The following MZT2A variants were observed in gnomAD, a reference collection of about 807,000 sequenced individuals.
The protein encoded by MZT2A is mitotic-spindle organizing protein 2A.
A neutral mutation model predicts 12.4 loss-of-function variants in MZT2A; 8 were observed. The ratio of observed to expected loss-of-function variants is 0.64; its 90% CI spans 0.38 to 1.16. The LOEUF is 1.16. Among genes scored for constraint, MZT2A ranks in the 50% most tolerant of loss-of-function variants. MZT2A has a pLI of 0.01. For missense variants in MZT2A, 181 were observed against 223.6 expected (o/e 0.81, Z 1.22); for synonymous variants, 88 against 107.5 (o/e 0.82, Z 1.12).
At chr2:131,475,022 G>A (rs1042000309) in intron 2 of MZT2A, among the ~76,000 whole-genome samples, 2 of 151,906 alleles carry the variant, frequency 1.3e-5, no homozygotes, top group Non-Finnish European at 2.9e-5. Context: ...GTGCAGTGGC[G>A]TGATCTCAGC....
At chr2:131,470,580 A>T (rs1704962413) in intron 3 of MZT2A, among the ~76,000 whole-genome samples, 1 of 152,254 alleles carries the variant, frequency 6.6e-6, no homozygotes, top group South Asian at 2.1e-4. Context: ...CACACCAAGA[A>T]AGACCCTGCA....
intron 2 of MZT2A, among the ~76,000 whole-genome samples, chr2:131,473,982 T>C (rs1678555527): frequency 6.7e-6 from 1 of 149,210 alleles, no homozygotes; most frequent in Non-Finnish European, 1.5e-5. Flanking sequence ...CGCCTTGTAC[T>C]CATGCCCTGG....
At chr2:131,480,803 C>T (rs1678837577), downstream of MZT2A, 28 of 1,576,926 alleles carry the variant, frequency 1.8e-5, no homozygotes, top group South Asian at 3.0e-4. Flanking sequence ...CACAAAATAA[C>T]ACTGGCCCTG....
intron 2 of MZT2A, chr2:131,472,218 G>A: frequency 7.8e-7 from 1 of 1,276,672 alleles, no homozygotes; most frequent in Non-Finnish European, 1.0e-6. Context: ...AATAATTTGT[G>A]TTACTTTCTG....
chr2:131,471,631 C>G (rs1704988643), intron 3 of MZT2A, among the ~76,000 whole-genome samples: 1 of 151,180 alleles, frequency 6.6e-6, no homozygotes, highest in Non-Finnish European at 1.5e-5. Flanking sequence ...TAAGATGCCC[C>G]TTCTAAGAGC....
intron 2 of MZT2A, among the ~76,000 whole-genome samples, chr2:131,488,290 T>C (rs1679135695): frequency 6.6e-6 from 1 of 152,208 alleles, no homozygotes; most frequent in Admixed American, 6.5e-5. Flanking sequence ...GACTCCAGAC[T>C]CTCACCAAGA....
At chr2:131,472,920 C>CCCG (rs1374765245) in intron 2 of MZT2A, among the ~76,000 whole-genome samples, 3 of 151,536 alleles carry the variant, frequency 2.0e-5, no homozygotes, top group African/African-American at 7.3e-5. Context: ...TGTCCCCCCC[C>CCCG]ACCAATATTA....
In MZT2A at chr2:131,471,968, C is replaced by T. The variant is rs555900081; in HGVS notation, c.393+100G>A. The T allele has an allele frequency of 6.4e-3, 6,944 of 1,086,712 alleles. 31 individuals are homozygous for T. Among genetic ancestry groups the T allele is most frequent in the African/African-American group, 0.013 (759 of 57,232 alleles). The allele number at this position is 1,086,712 out of a possible 1,614,324, so 67.3% of individuals were successfully genotyped here. On this transcript the variant is annotated intron_variant and NMD_transcript_variant, in intron 3 of 4. Transcript: ENST00000427024. Reference sequence around the variant, plus strand: ...GCGTGCAGCAGGGACAGTCCATGAGCAGGAGTCCCAAGGAGGTCTTTAAAC... The same window carrying T: ...GCGTGCAGCAGGGACAGTCCATGAGTAGGAGTCCCAAGGAGGTCTTTAAAC...
At chr2:131,493,633 G>C (rs545775243), upstream of MZT2A, among the ~76,000 whole-genome samples, 5 of 152,142 alleles carry the variant, frequency 3.3e-5, no homozygotes, top group African/African-American at 1.2e-4. Context: ...TGCTTGGAAT[G>C]ATTAGCGTTG....
downstream of MZT2A, chr2:131,479,505 G>A: frequency 6.2e-7 from 1 of 1,601,456 alleles, no homozygotes; most frequent in Non-Finnish European, 8.5e-7. Context: ...GGGAGGGGTA[G>A]TTCTTGGAAT....
chr2:131,473,733 C>CA (rs369516048), intron 2 of MZT2A, among the ~76,000 whole-genome samples: 5,977 of 122,852 alleles, frequency 0.049, 519 homozygotes, highest in African/African-American at 0.16. Context: ...GAACCAGTGT[C>CA]AAAAAATAAA....
At chr2:131,489,458 A>T (rs1679198573) in intron 2 of MZT2A, 1 of 150,678 alleles carries the variant, frequency 6.6e-6, no homozygotes, top group Non-Finnish European at 1.5e-5. Flanking sequence ...TCCACCTCCC[A>T]GGTTCACGCC....
intron 2 of MZT2A, among the ~76,000 whole-genome samples, chr2:131,484,606 G>C (rs943671361): frequency 2.0e-5 from 3 of 149,472 alleles, no homozygotes; most frequent in African/African-American, 7.5e-5. Flanking sequence ...GCAGCAGCAG[G>C]GACGCGCTGC....
intron 2 of MZT2A, among the ~76,000 whole-genome samples, chr2:131,487,738 G>A (rs1679110042): frequency 6.6e-6 from 1 of 152,252 alleles, no homozygotes; most frequent in African/African-American, 2.4e-5. Flanking sequence ...TTACAGGTGT[G>A]AACCAATGCC....
downstream of MZT2A, chr2:131,482,639 A>C: frequency 6.2e-7 from 1 of 1,614,216 alleles, no homozygotes; most frequent in Non-Finnish European, 8.5e-7. Flanking sequence ...GAGCAACACC[A>C]CGGCCATTGC....
intron 2 of MZT2A, among the ~76,000 whole-genome samples, chr2:131,474,327 G>A (rs558439232): frequency 6.6e-6 from 1 of 151,576 alleles, no homozygotes; most frequent in South Asian, 2.1e-4. Context: ...TCGATCTCCT[G>A]ACCTCGTGAT....
intron 2 of MZT2A, among the ~76,000 whole-genome samples, chr2:131,486,084 G>A (rs538136806): frequency 6.3e-4 from 95 of 150,646 alleles, no homozygotes; most frequent in African/African-American, 2.3e-3. Context: ...TGTCACACTT[G>A]GCTGAACAAA....
At chr2:131,481,101 G>C (rs914477666), downstream of MZT2A, among the ~76,000 whole-genome samples, 1 of 151,554 alleles carries the variant, frequency 6.6e-6, no homozygotes, top group Non-Finnish European at 1.5e-5. Context: ...ATGGGGTTTC[G>C]CCATGTTGGC....
downstream of MZT2A, among the ~76,000 whole-genome samples, chr2:131,481,143 A>T (rs1678849857): frequency 6.6e-6 from 1 of 152,000 alleles, no homozygotes; most frequent in Non-Finnish European, 1.5e-5. Context: ...ACCTCAGGTG[A>T]TCTGCCTGCC....
Sources: gnomAD v4.1 joint callset for allele counts (sites outside exome capture counted in the v4.1 genomes callset) on GRCh38, gnomAD v4.1.1 for gene constraint, MANE v1.5 for transcripts, NCBI Gene and HGNC (gene_info 2026-07-23, HGNC 2026-07-21) for gene names.